ARHGEF4: variants seen among roughly 807,000 people sequenced by gnomAD.
ARHGEF4 encodes Rho guanine nucleotide exchange factor 4, also known as APC-stimulated guanine nucleotide exchange factor 1.
A neutral mutation model predicts 162.0 loss-of-function variants in ARHGEF4; 119 were observed. That is an observed-to-expected ratio of 0.73 (90% CI 0.63 to 0.86). The LOEUF is 0.86. Among genes scored for constraint, ARHGEF4 ranks in the 40% least tolerant of loss-of-function variants. The pLI is 0.00. For missense variants in ARHGEF4, 2,488 were observed against 2,456.0 expected (o/e 1.01, Z -0.28); for synonymous variants, 1,014 against 979.9 (o/e 1.03, Z -0.65).
chr2:131,025,080 T>A (rs917905620), intron 4 of ARHGEF4, among the ~76,000 whole-genome samples: 1 of 152,036 alleles, frequency 6.6e-6, no homozygotes, highest in Non-Finnish European at 1.5e-5. Context: ...AAAAAATACC[T>A]GAGACTGGGT....
intron 8 of ARHGEF4, among the ~76,000 whole-genome samples, chr2:131,040,769 G>A (rs915275193): frequency 2.6e-5 from 4 of 152,132 alleles, no homozygotes; most frequent in African/African-American, 4.8e-5. Flanking sequence ...TTCTCACACA[G>A]GGAGAATTTA....
intron 1 of ARHGEF4, among the ~76,000 whole-genome samples, chr2:130,910,758 C>G (rs532706124): frequency 1.3e-5 from 2 of 152,166 alleles, no homozygotes; most frequent in Admixed American, 1.3e-4. Flanking sequence ...TTTCAACTAA[C>G]TTCAAAAAAT....
At position 130,919,651 on chromosome 2, in the gene ARHGEF4, G is replaced by A. The variant is rs6752404; in HGVS notation, c.3552+2153G>A. 4.8e-3 allele frequency among the ~76,000 whole-genome samples: 738 copies of A among 152,212 alleles called. 9 individuals are homozygous for A. The highest frequency in any genetic ancestry group is 0.016 in the African/African-American group (683 of 41,538). On this transcript the variant is annotated intron_variant, in intron 2 of 13. Transcript: ENST00000409359. ...AGCACTTTGGGAGGCCGAAGCGGGCGGATCACCTGAGGTCAGAAGTTCGAG... is the reference window on the plus strand; with the variant it reads ...AGCACTTTGGGAGGCCGAAGCGGGCAGATCACCTGAGGTCAGAAGTTCGAG...
chr2:130,945,369 G>C (rs1490115495), intron 3 of ARHGEF4, among the ~76,000 whole-genome samples: 3 of 152,054 alleles, frequency 2.0e-5, no homozygotes, highest in Non-Finnish European at 4.4e-5. Flanking sequence ...TCTCTCCCAT[G>C]CCCTTGGGAC....
chr2:130,926,810 A>ATTTTTTTTTTTTTTTTTTT lies in ARHGEF4; in HGVS notation c.3553-4132_3553-4114dup. On this transcript the variant is annotated intron_variant, in intron 2 of 13. Coordinates refer to ENST00000409359, the MANE Select transcript of ARHGEF4 (RefSeq NM_001367493.1). ...TAAACCTGAGAGGGACTTCTGGCTG[A>ATTTTTTTTTTTTTTTTTTT]TTTTTTTTTTTTTTTTTTTTTTTTT... is the stretch of plus-strand genomic sequence containing the variant. Among the ~76,000 whole-genome samples the ATTTTTTTTTTTTTTTTTTT allele has an allele frequency of 2.2e-4, 11 of 48,954 alleles. 5 individuals carry two copies. The highest frequency in any genetic ancestry group is 3.3e-4 in the Non-Finnish European group (9 of 27,508). The allele number at this position is 48,954 out of a possible 152,430, so 32.1% of individuals were successfully genotyped here.
At chr2:130,950,712 A>T (rs1477201048) in intron 4 of ARHGEF4, among the ~76,000 whole-genome samples, 1 of 137,040 alleles carries the variant, frequency 7.3e-6, no homozygotes, top group South Asian at 2.7e-4. Context: ...CGAAGGAACC[A>T]CTTATCTACT....
intron 5 of ARHGEF4, chr2:131,035,318 C>A: frequency 1.7e-6 from 2 of 1,175,074 alleles, no homozygotes; most frequent in African/African-American, 1.6e-5. Flanking sequence ...GCACTCCAGC[C>A]GTTGCCACCC....
At chr2:130,986,154 GTGTT>G (rs1326080465) in intron 4 of ARHGEF4, among the ~76,000 whole-genome samples, 2 of 151,750 alleles carry the variant, frequency 1.3e-5, no homozygotes, top group Non-Finnish European at 2.9e-5. Flanking sequence ...TGCATGGTGT[GTGTT>G]GCATGTGTAT....
At chr2:130,855,351 G>A (rs904948176) in intron 1 of ARHGEF4, among the ~76,000 whole-genome samples, 7 of 152,168 alleles carry the variant, frequency 4.6e-5, no homozygotes. Flanking sequence ...AGGACCATGA[G>A]TGTAACTCTG....
intron 4 of ARHGEF4, chr2:131,011,898 C>T (rs1312100623): frequency 4.3e-6 from 3 of 702,932 alleles, no homozygotes; most frequent in African/African-American, 1.7e-5. Context: ...GAGATGGGAC[C>T]TGCACTGGAG....
chr2:130,836,946 C>G lies in ARHGEF4; in HGVS notation c.-8C>G. On this transcript the variant is annotated 5_prime_UTR_variant, in exon 1 of 14. Transcript: ENST00000409359. Reference sequence around the variant, plus strand: ...TGCGGCCGGGCTCCGGGCGTCCCGGCGGCCACCATGCTCAGCGTCGTGCAC... The same window carrying G: ...TGCGGCCGGGCTCCGGGCGTCCCGGGGGCCACCATGCTCAGCGTCGTGCAC... 1 of 1,225,510 alleles carries G rather than the reference C, an allele frequency of 8.2e-7. No individual in the cohort carries two copies. Among genetic ancestry groups the G allele is most frequent in the Non-Finnish European group, 1.0e-6 (1 of 983,910 alleles). 75.9% of individuals were successfully genotyped at this position (1,225,510 alleles called of 1,614,324 possible).
chr2:131,025,322 C>T (rs1277437378), intron 4 of ARHGEF4, among the ~76,000 whole-genome samples: 2 of 152,192 alleles, frequency 1.3e-5, no homozygotes, highest in African/African-American at 4.8e-5. Context: ...AGGGGGAAAT[C>T]CGCCCCCATG....
chr2:130,896,917 G>A (rs1224848688), intron 1 of ARHGEF4, among the ~76,000 whole-genome samples: 1 of 152,074 alleles, frequency 6.6e-6, no homozygotes, highest in African/African-American at 2.4e-5. Flanking sequence ...ATCATCCAGG[G>A]GTGAGGATTA....
chr2:131,038,924 G>A lies in ARHGEF4; in HGVS notation c.4197G>A (p.Leu1399=), dbSNP rs1235997533. The A allele has an allele frequency of 1.9e-6, 3 of 1,613,622 alleles. No homozygotes were observed. The highest frequency in any genetic ancestry group is 2.5e-6 in the Non-Finnish European group (3 of 1,180,022). Reference sequence around the variant, plus strand: ...ATGTCACCATGGACGACCAGGAGCTGGGCTTCAAAGCTGGGGACGTCATCG... The same window carrying A: ...ATGTCACCATGGACGACCAGGAGCTAGGCTTCAAAGCTGGGGACGTCATCG... ...WDHVTMDDQE[L]GFKAGDVIEV... The change falls in exon 6 of 14, where the codon CTG becomes CTA. Residue 1399 remains leucine, a synonymous_variant. Coordinates refer to ENST00000409359, the MANE Select transcript of ARHGEF4 (RefSeq NM_001367493.1).
intron 3 of ARHGEF4, among the ~76,000 whole-genome samples, chr2:130,941,165 G>A (rs1171219555): frequency 1.3e-5 from 2 of 151,858 alleles, no homozygotes. Flanking sequence ...AACCATGCAG[G>A]GGTTAGGGGT....
At chr2:130,856,658 A>G (rs1681807001) in intron 1 of ARHGEF4, among the ~76,000 whole-genome samples, 1 of 152,210 alleles carries the variant, frequency 6.6e-6, no homozygotes, top group South Asian at 2.1e-4. Flanking sequence ...TCCATGTATC[A>G]TTGTATTGGT....
chr2:130,837,269 G>A (rs1007578359), intron 1 of ARHGEF4, among the ~76,000 whole-genome samples: 1 of 152,116 alleles, frequency 6.6e-6, no homozygotes, highest in African/African-American at 2.4e-5. Context: ...GGGCAAGGGC[G>A]AGCGCCTGAG....
At chr2:131,030,805 G>T (rs1558874821) in intron 5 of ARHGEF4, among the ~76,000 whole-genome samples, 1 of 152,206 alleles carries the variant, frequency 6.6e-6, no homozygotes, top group African/African-American at 2.4e-5. Flanking sequence ...TGCCTAGCTT[G>T]CACTGCAGAC....
chr2:130,913,925 TA>T, intron 1 of ARHGEF4, 60 bp from the exon 2 acceptor site: 1 of 1,527,036 alleles, frequency 6.5e-7, no homozygotes, highest in South Asian at 1.2e-5. Context: ...AGGCACGGTG[TA>T]AACATGTGCA....
Sources: allele counts gnomAD v4.1 joint callset (sites outside exome capture counted in the v4.1 genomes callset), GRCh38; gene constraint gnomAD v4.1.1; transcripts MANE v1.5; gene names NCBI Gene and HGNC (gene_info 2026-07-23, HGNC 2026-07-21).